RIPK1: variants seen among roughly 807,000 people sequenced by gnomAD.
RIPK1 encodes the protein receptor-interacting serine/threonine-protein kinase 1.
Under a neutral mutation model 62.4 loss-of-function variants are expected in RIPK1, and 27 were observed. The observed-to-expected ratio is 0.43, with a 90% CI of 0.32 to 0.60. RIPK1 has a LOEUF of 0.60. Ranked by LOEUF, RIPK1 falls within the 20% of genes least tolerant of loss-of-function variation. RIPK1 has a pLI of 0.07. For synonymous variants in RIPK1, 287 were observed against 303.2 expected (o/e 0.95, Z 0.55); for missense variants, 735 against 831.0 (o/e 0.88, Z 1.42).
At chr6:3,081,217 T>C in intron 4 of RIPK1, 101 bp downstream of exon 4, 1 of 1,329,896 alleles carries the variant, frequency 7.5e-7, no homozygotes, top group South Asian at 1.4e-5. Context: ...AAGGAAGACC[T>C]AGCTCAGCTT....
intron 1 of RIPK1, among the ~76,000 whole-genome samples, chr6:3,074,636 T>C (rs1292683383): frequency 6.6e-6 from 1 of 152,204 alleles, no homozygotes; most frequent in African/African-American, 2.4e-5. Context: ...AAAGAGTATT[T>C]TTCATGGTCT....
chr6:3,107,165 T>C (rs955128003), intron 9 of RIPK1, among the ~76,000 whole-genome samples: 1 of 151,386 alleles, frequency 6.6e-6, no homozygotes, highest in Admixed American at 6.6e-5. Context: ...GGCAGGAGAA[T>C]CACTTGAACC....
intron 6 of RIPK1, among the ~76,000 whole-genome samples, chr6:3,088,004 C>T (rs921419716): frequency 2.0e-5 from 3 of 152,188 alleles, no homozygotes; most frequent in Non-Finnish European, 4.4e-5. Flanking sequence ...ACAGGTAATT[C>T]TGACATTGCT....
intron 7 of RIPK1, among the ~76,000 whole-genome samples, chr6:3,099,155 T>A (rs1239153492): frequency 3.9e-5 from 6 of 152,220 alleles, no homozygotes; most frequent in Non-Finnish European, 1.5e-5. Flanking sequence ...GATTATTGTA[T>A]ATGACTTCAT....
At chr6:3,087,761 C>T (rs6931688) in intron 6 of RIPK1, among the ~76,000 whole-genome samples, 4,750 of 149,254 alleles carry the variant, frequency 0.032, 236 homozygotes, top group African/African-American at 0.11. Context: ...GGATGGTCTC[C>T]ATCTCCTGAC....
At chr6:3,069,405 G>C (rs71552150) in intron 1 of RIPK1, among the ~76,000 whole-genome samples, 23,602 of 152,104 alleles carry the variant, frequency 0.16, 1,939 homozygotes, top group South Asian at 0.18. Flanking sequence ...GTTGGGAAGA[G>C]GATAGGCTGC....
In RIPK1 at chr6:3,113,453, T is replaced by G; in HGVS notation, c.*114T>G. The G allele has an allele frequency of 9.8e-7, 1 of 1,024,908 alleles. No individual in the cohort carries two copies. The highest frequency in any genetic ancestry group is 1.4e-6 in the Non-Finnish European group (1 of 717,080). The allele number at this position is 1,024,908 out of a possible 1,614,324, so 63.5% of individuals were successfully genotyped here. On this transcript the variant is annotated 3_prime_UTR_variant, in exon 11 of 11. Transcript: ENST00000259808. This position sits in a 1 kb window ranked among gnomAD's most constrained non-coding sequence, Gnocchi z 5.0. ...TCCTCACTGATAGGGGTTCTGTGTC[T>G]GCAGAAATTTTGTTTCCTGTACTTC...
rs1030753289 is a variant in RIPK1 at position 3,114,217 on chromosome 6, T to G, written c.*878T>G. The G allele has an allele frequency of 6.6e-6, 1 of 152,234 alleles. No homozygotes were observed. Among genetic ancestry groups the G allele is most frequent in the Non-Finnish European group, 1.5e-5 (1 of 68,054 alleles). The allele number at this position is 152,234 out of a possible 1,614,324, so 9.4% of individuals were successfully genotyped here. On this transcript the variant is annotated 3_prime_UTR_variant, in exon 11 of 11. Transcript: ENST00000259808. The surrounding 1 kb of genome is among the most constrained non-coding windows in gnomAD (Gnocchi z 5.0). ...GGCATTCTGGTACCTTCACCCAGCCTGAGTGCCCTGGAGAGGGAACAGGAA... is the reference window on the plus strand; with the variant it reads ...GGCATTCTGGTACCTTCACCCAGCCGGAGTGCCCTGGAGAGGGAACAGGAA...
upstream of RIPK1, among the ~76,000 whole-genome samples, chr6:3,067,051 A>ATTTTTTTTTTTTTTTTTTTTTTT (rs36132424): frequency 3.4e-5 from 2 of 59,048 alleles, no homozygotes; most frequent in African/African-American, 1.4e-4. Flanking sequence ...TTGCTCCAGG[A>ATTTTTTTTTTTTTTTTTTTTTTT]TTTTTTTTTT....
Position 3,113,997 on chromosome 6 carries a change from A to G in RIPK1, c.*658A>G, listed in dbSNP as rs1034770535. The G allele has an allele frequency of 6.6e-6, 1 of 152,240 alleles. No homozygotes were observed. The highest frequency in any genetic ancestry group is 2.4e-5 in the African/African-American group (1 of 41,462). 9.4% of individuals were successfully genotyped at this position (152,240 alleles called of 1,614,324 possible). On this transcript the variant is annotated 3_prime_UTR_variant, in exon 11 of 11. Coordinates refer to ENST00000259808, the MANE Select transcript of RIPK1 (RefSeq NM_001354930.2). The surrounding 1 kb of genome is among the most constrained non-coding windows in gnomAD (Gnocchi z 5.0). Reference sequence around the variant, plus strand: ...ACTGTAGGCTCTAAGAACCACGTGCAGTCTTCAGCCCATTAAATTATCGAT... The same window carrying G: ...ACTGTAGGCTCTAAGAACCACGTGCGGTCTTCAGCCCATTAAATTATCGAT...
intron 6 of RIPK1, among the ~76,000 whole-genome samples, chr6:3,087,145 C>T (rs184893435): frequency 3.9e-5 from 6 of 152,174 alleles, no homozygotes; most frequent in Admixed American, 3.9e-4. Flanking sequence ...TCTCTTGCTG[C>T]TTTCAAGACT....
At chr6:3,080,803 C>A (rs867647728) in intron 3 of RIPK1, among the ~76,000 whole-genome samples, 176 bp from the exon 4 acceptor site, 1 of 151,280 alleles carries the variant, frequency 6.6e-6, no homozygotes, top group Non-Finnish European at 1.5e-5. Context: ...CCCTCTGCCC[C>A]CCCCCGAATG....
Position 3,077,912 on chromosome 6 carries a change from C to T in RIPK1, c.298C>T (p.Leu100=). The T allele has an allele frequency of 1.2e-6, 2 of 1,614,138 alleles. No individual in the cohort carries two copies. The highest frequency in any genetic ancestry group is 2.2e-5 in the South Asian group (2 of 91,080). ...LVMEYMEKGN[L]MHVLKAEMST... is the part of the protein sequence containing the mutation. ...GATGGAGTACATGGAGAAGGGCAAC[C>T]TGATGCACGTGCTGAAAGCCGAGGT... is the stretch of plus-strand genomic sequence containing the variant. The change falls in exon 3 of 11, where the codon CTG becomes TTG. Residue 100 remains leucine (L), a synonymous_variant. Transcript: ENST00000259808.
chr6:3,096,795 G>A (rs797011207), intron 7 of RIPK1, among the ~76,000 whole-genome samples: 5 of 151,318 alleles, frequency 3.3e-5, no homozygotes, highest in African/African-American at 7.3e-5. Flanking sequence ...TCCCGACCTC[G>A]TGATCTGCCC....
chr6:3,073,537 C>T (rs898000411), intron 1 of RIPK1, among the ~76,000 whole-genome samples: 2 of 152,064 alleles, frequency 1.3e-5, no homozygotes, highest in African/African-American at 4.8e-5. Flanking sequence ...AGTCTTCAGG[C>T]CTTCATCTAG....
chr6:3,108,341 T>C (rs7769884), intron 9 of RIPK1, among the ~76,000 whole-genome samples: 29,544 of 151,220 alleles, frequency 0.2, 7,030 homozygotes, highest in African/African-American at 0.58. Context: ...AACTGAAAAT[T>C]TATATATTAT....
At position 3,113,458 on chromosome 6, in the gene RIPK1, A is replaced by C. The variant is rs1761268735; in HGVS notation, c.*119A>C. 1.0e-6 allele frequency: 1 copy of C among 976,484 alleles called. No homozygotes were observed. Among genetic ancestry groups the C allele is most frequent in the Non-Finnish European group, 1.5e-6 (1 of 673,876 alleles). The allele number at this position is 976,484 out of a possible 1,614,324, so 60.5% of individuals were successfully genotyped here. A position where few individuals can be genotyped will look rare whatever the true frequency, so the allele number is the denominator to read the frequency against. ...ACTGATAGGGGTTCTGTGTCTGCAG[A>C]AATTTTGTTTCCTGTACTTCATAGC... On this transcript the variant is annotated 3_prime_UTR_variant, in exon 11 of 11. Coordinates refer to ENST00000259808, the MANE Select transcript of RIPK1 (RefSeq NM_001354930.2). This position sits in a 1 kb window ranked among gnomAD's most constrained non-coding sequence, Gnocchi z 5.0.
chr6:3,103,292 TTTTA>T (rs1315879027), intron 7 of RIPK1, among the ~76,000 whole-genome samples: 4 of 145,212 alleles, frequency 2.8e-5, no homozygotes, highest in Non-Finnish European at 4.4e-5. Context: ...CATTATTTTA[TTTTA>T]TTTATTTATT....
chr6:3,084,806 A>G (rs1291432858), intron 5 of RIPK1, among the ~76,000 whole-genome samples: 1 of 151,888 alleles, frequency 6.6e-6, no homozygotes, highest in African/African-American at 2.4e-5. Context: ...GTTGGCCAGG[A>G]TGGTCTTGAT....
Sources: gnomAD v4.1 joint callset for allele counts (sites outside exome capture counted in the v4.1 genomes callset) on GRCh38, gnomAD v4.1.1 for gene constraint, Gnocchi (gnomAD v3.1) non-coding constraint, MANE v1.5 for transcripts, NCBI Gene and HGNC (gene_info 2026-07-23, HGNC 2026-07-21) for gene names.